The following NPRL3 variants were observed in gnomAD, a reference collection of about 807,000 sequenced individuals.
The protein encoded by NPRL3 is NPR3 like, GATOR1 complex subunit, also known as GATOR1 complex protein NPRL3.
NPRL3 carries 23 observed loss-of-function variants against 57.2 expected under a neutral mutation model. That is an observed-to-expected ratio of 0.40 (90% CI 0.29 to 0.57). The LOEUF (loss-of-function observed/expected upper bound fraction) is 0.57. NPRL3 is among the 20% of genes least tolerant of loss of function. The pLI is 0.42. For synonymous variants in NPRL3, 333 were observed against 321.1 expected, an observed-to-expected ratio of 1.04 and a Z score of -0.39; for missense variants, 691 against 767.1, an observed-to-expected ratio of 0.90 and a Z score of 1.17.
intron 8 of NPRL3, among the ~76,000 whole-genome samples, chr16:99,269 A>G (rs1384781391): frequency 6.6e-6 from 1 of 152,184 alleles, no homozygotes; most frequent in Non-Finnish European, 1.5e-5. Context: ...ATATATTTTT[A>G]TAATTAAAAA....
At chr16:105,555 A>T (rs1482214617) in intron 7 of NPRL3, among the ~76,000 whole-genome samples, 1 of 152,166 alleles carries the variant, frequency 6.6e-6, no homozygotes, top group Non-Finnish European at 1.5e-5. Flanking sequence ...CCTGCTCTCG[A>T]CAGTTTGCAG....
intron 5 of NPRL3, among the ~76,000 whole-genome samples, chr16:117,077 G>A (rs1596526652): frequency 1.3e-5 from 2 of 152,156 alleles, no homozygotes; most frequent in African/African-American, 4.8e-5. Flanking sequence ...CAACATGAAT[G>A]TACCAGATGC....
At chr16:98,416 T>C in intron 8 of NPRL3, 115 bp from the exon 9 acceptor site, 2 of 1,161,058 alleles carry the variant, frequency 1.7e-6, no homozygotes, top group Non-Finnish European at 2.4e-6. Flanking sequence ...GCACCAGGTA[T>C]GCACCGGGTA....
chr16:108,439 T>C (rs183351), intron 7 of NPRL3, among the ~76,000 whole-genome samples: 16,300 of 151,828 alleles, frequency 0.11, 2,028 homozygotes, highest in African/African-American at 0.3. Context: ...TACAAACCCC[T>C]GAGAAGGAAA....
In NPRL3 at chr16:92,620, A is replaced by G. The variant is rs1326360881; in HGVS notation, c.1137T>C (p.Asn379=). 6.2e-7 allele frequency: 1 copy of G among 1,613,400 alleles called. No individual in the cohort carries two copies. Among genetic ancestry groups the G allele is most frequent in the Middle Eastern group, 1.6e-4 (1 of 6,062 alleles). The change falls in exon 11 of 14, where the codon AAT becomes AAC. Residue 379 remains asparagine, a synonymous_variant. Coordinates refer to ENST00000611875, the MANE Select transcript of NPRL3 (RefSeq NM_001077350.3). The part of the protein sequence containing the change: ...SLPVSLSEFR[N]PLAPAVQETQ... ...CCTCCTGCACAGCGGGGGCCAGGGGATTCCTAAATTCTGACAAGGAGACCG... is the reference window on the plus strand; with the variant it reads ...CCTCCTGCACAGCGGGGGCCAGGGGGTTCCTAAATTCTGACAAGGAGACCG...
intron 2 of NPRL3, among the ~76,000 whole-genome samples, chr16:137,409 G>T (rs1901149274): frequency 6.6e-6 from 1 of 152,202 alleles, no homozygotes; most frequent in African/African-American, 2.4e-5. Context: ...TTCGTGCGAT[G>T]AAAAACCTCA....
At chr16:106,525 T>A (rs1202143063) in intron 7 of NPRL3, among the ~76,000 whole-genome samples, 1 of 148,826 alleles carries the variant, frequency 6.7e-6, no homozygotes, top group East Asian at 2.0e-4. Flanking sequence ...TCCCAGCTAC[T>A]CGGGAGGCCG....
Position 117,294 on chromosome 16 carries a change from C to T in NPRL3, c.393+7G>A, listed in dbSNP as rs750823295. ...CCCTGATCTTAACCATTTATATAAACACTCACCCTCAGTGCAAACACCACA... is the reference window on the plus strand; with the variant it reads ...CCCTGATCTTAACCATTTATATAAATACTCACCCTCAGTGCAAACACCACA... On this transcript the variant is annotated splice_region_variant and intron_variant, in intron 5 of 13. Coordinates refer to ENST00000611875, the MANE Select transcript of NPRL3 (RefSeq NM_001077350.3). The T allele has an allele frequency of 1.9e-6, 3 of 1,595,046 alleles. No homozygotes were observed. Among genetic ancestry groups the T allele is most frequent in the Non-Finnish European group, 2.6e-6 (3 of 1,163,738 alleles).
In NPRL3 at chr16:98,233, G is replaced by A. The variant is rs1376159152; in HGVS notation, c.836C>T (p.Ser279Phe). The A allele has an allele frequency of 6.2e-7, 1 of 1,613,878 alleles. No homozygotes were observed. The highest frequency in any genetic ancestry group is 1.3e-5 in the African/African-American group (1 of 74,942). The change falls in exon 9 of 14, where the codon TCC becomes TTC. Residue 279 changes from serine to phenylalanine, a missense_variant. Physicochemically the swap from Ser to Phe is radical, Grantham distance 155. Coordinates refer to ENST00000611875, the MANE Select transcript of NPRL3 (RefSeq NM_001077350.3). ...SLLGELPIDC[S>F]PALVRVIKTT... Reference sequence around the variant, plus strand: ...CTTGATCACCCGCACTAGGGCAGGGGAGCAGTCAATAGGAAGCTCACCCAG... The same window carrying A: ...CTTGATCACCCGCACTAGGGCAGGGAAGCAGTCAATAGGAAGCTCACCCAG...
rs1898442194 is a variant in NPRL3 at position 85,831 on chromosome 16, T to TTTTA, written c.*870_*873dup. 2.8e-6 allele frequency: 4 copies of TTTTA among 1,430,166 alleles called. No individual in the cohort carries two copies. In the East Asian group the frequency reaches 1.0e-4, roughly 36 times the overall value. 88.6% of individuals were successfully genotyped at this position (1,430,166 alleles called of 1,614,324 possible). A position where few individuals can be genotyped will look rare whatever the true frequency, so the allele number is the denominator to read the frequency against. On this transcript the variant is annotated 3_prime_UTR_variant, in exon 14 of 14. Transcript: ENST00000611875. The stretch of plus-strand genomic sequence containing the variant: ...TAATTGTTTAAAAACCGAATAAATG[T>TTTTA]TTTATTTCTAGAAAACTGTGCCTTA...
At chr16:97,028 C>G (rs571022100) in intron 9 of NPRL3, among the ~76,000 whole-genome samples, 8 of 152,334 alleles carry the variant, frequency 5.3e-5, no homozygotes, top group African/African-American at 1.7e-4. Flanking sequence ...CCAGGCGGGC[C>G]CACCTCACGC....
intron 5 of NPRL3, among the ~76,000 whole-genome samples, chr16:113,383 C>T (rs565371097): frequency 6.6e-6 from 1 of 152,354 alleles, no homozygotes; most frequent in South Asian, 2.1e-4. Context: ...CACTGGTTAA[C>T]AAGAAAACCA....
chr16:113,405 G>A (rs909717127), intron 5 of NPRL3, among the ~76,000 whole-genome samples: 34 of 152,336 alleles, frequency 2.2e-4, no homozygotes, highest in African/African-American at 7.9e-4. Context: ...CAGGCTCCAG[G>A]CCCATATCTC....
In NPRL3 at chr16:98,226, G is replaced by C; in HGVS notation, c.843C>G (p.Ala281=). 1.2e-6 allele frequency: 2 copies of C among 1,613,956 alleles called. No homozygotes were observed. Among genetic ancestry groups the C allele is most frequent in the Non-Finnish European group, 1.7e-6 (2 of 1,179,868 alleles). Residue 281 remains alanine, a synonymous_variant, in exon 9 of 14, where the codon GCC becomes GCG. Transcript: ENST00000611875. ...ATGTGGTCTTGATCACCCGCACTAG[G>C]GCAGGGGAGCAGTCAATAGGAAGCT... is the stretch of plus-strand genomic sequence containing the variant. ...LGELPIDCSP[A]LVRVIKTTSA...
At chr16:109,255 C>T (rs958914809) in intron 7 of NPRL3, among the ~76,000 whole-genome samples, 23 of 152,216 alleles carry the variant, frequency 1.5e-4, no homozygotes, top group Non-Finnish European at 3.1e-4. Context: ...GCGTGAGTCA[C>T]CACGCCCGGC....
Position 138,297 on chromosome 16 carries a change from G to A in NPRL3, c.-30C>T, listed in dbSNP as rs1385193035. On this transcript the variant is annotated 5_prime_UTR_variant, in exon 2 of 14. Coordinates refer to ENST00000611875, the MANE Select transcript of NPRL3 (RefSeq NM_001077350.3). ...CCGTGGGGCCGGGGCCGGGGGCGGAGGGGGCCAGAGGAGGACGGAGCCGGA... is the reference window on the plus strand; with the variant it reads ...CCGTGGGGCCGGGGCCGGGGGCGGAAGGGGCCAGAGGAGGACGGAGCCGGA... The A allele has an allele frequency of 6.6e-7, 1 of 1,523,302 alleles. No homozygotes were observed. The allele number at this position is 1,523,302 out of a possible 1,614,324, so 94.4% of individuals were successfully genotyped here.
chr16:134,701 T>A (rs890837419), intron 2 of NPRL3, among the ~76,000 whole-genome samples: 1,380 of 134,620 alleles, frequency 0.01, 8 homozygotes, highest in Non-Finnish European at 0.014. Context: ...ATTATTTTTT[T>A]TTTTTTTTTT....
rs766649807 is a variant in NPRL3, at chr16:112,721, C to T, written c.448G>A (p.Ala150Thr). The change falls in exon 6 of 14, where the codon GCC becomes ACC. Residue 150 changes from alanine to threonine, a missense_variant. By Grantham distance (58) the Ala-to-Thr change is moderately conservative. Coordinates refer to ENST00000611875, the MANE Select transcript of NPRL3 (RefSeq NM_001077350.3). ...CGCTCCTCGTGCTGCAGCACGGTGGCGATACGACGGGACAGGTTATGCAGA... is the reference window on the plus strand; with the variant it reads ...CGCTCCTCGTGCTGCAGCACGGTGGTGATACGACGGGACAGGTTATGCAGA... ...NCLHNLSRRI[A>T]TVLQHEERRC... 6 of 1,611,938 alleles carry T rather than the reference C, an allele frequency of 3.7e-6. No individual in the cohort carries two copies. In the East Asian group the frequency reaches 6.7e-5, roughly 18 times the overall value.
intron 7 of NPRL3, among the ~76,000 whole-genome samples, chr16:107,785 G>C (rs1271970637): frequency 6.6e-6 from 1 of 152,128 alleles, no homozygotes; most frequent in East Asian, 1.9e-4. Flanking sequence ...CCTTGGCCTC[G>C]CCTGTGAGAT....
Sources: gnomAD v4.1 joint callset for allele counts (sites outside exome capture counted in the v4.1 genomes callset) on GRCh38, gnomAD v4.1.1 for gene constraint, MANE v1.5 for transcripts, NCBI Gene and HGNC (gene_info 2026-07-23, HGNC 2026-07-21) for gene names.